STX8: variants seen among roughly 807,000 people sequenced by gnomAD.
STX8 encodes the protein syntaxin 8.
Under a neutral mutation model 37.5 loss-of-function variants are expected in STX8, and 23 were observed. The ratio of observed to expected loss-of-function variants is 0.61; its 90% CI spans 0.44 to 0.87. The LOEUF (loss-of-function observed/expected upper bound fraction) is 0.87. STX8 is among the 40% of genes least tolerant of loss of function. The probability of loss-of-function intolerance (pLI) is 0.00; values close to 1 mark genes in which losing one functional copy is unlikely to be tolerated. For missense variants in STX8, 313 were observed against 284.7 expected, an observed-to-expected ratio of 1.10 and a Z score of -0.71; for synonymous variants, 115 against 99.1, an observed-to-expected ratio of 1.16 and a Z score of -0.95.
intron 3 of STX8, among the ~76,000 whole-genome samples, chr17:9,550,203 A>G (rs1402550427): frequency 6.3e-4 from 87 of 138,970 alleles, no homozygotes; most frequent in Middle Eastern, 4.5e-3. Flanking sequence ...CAGCCTGGGC[A>G]ACAAAGTGAG....
At chr17:9,533,851 C>T (rs1260960342) in intron 4 of STX8, among the ~76,000 whole-genome samples, 1 of 152,124 alleles carries the variant, frequency 6.6e-6, no homozygotes, top group Admixed American at 6.5e-5. Context: ...GTTATCAGAA[C>T]CTCAATTTTG....
intron 7 of STX8, among the ~76,000 whole-genome samples, chr17:9,275,823 GT>G (rs1213065705): frequency 1.3e-5 from 2 of 151,612 alleles, no homozygotes; most frequent in African/African-American, 4.9e-5. Context: ...AGCCAAGATC[GT>G]GCCACTGCAC....
At chr17:9,422,597 G>T (rs1455885837) in intron 6 of STX8, among the ~76,000 whole-genome samples, 1 of 152,226 alleles carries the variant, frequency 6.6e-6, no homozygotes, top group Non-Finnish European at 1.5e-5. Context: ...TGTTTTCAAG[G>T]TTCATCCGTG....
At chr17:9,286,225 C>T (rs981811467) in intron 7 of STX8, among the ~76,000 whole-genome samples, 9 of 152,272 alleles carry the variant, frequency 5.9e-5, no homozygotes, top group East Asian at 1.9e-4. Flanking sequence ...GGTATGAAAA[C>T]GAAAGTTATT....
intron 7 of STX8, among the ~76,000 whole-genome samples, chr17:9,311,495 A>G (rs2142191678): frequency 6.6e-6 from 1 of 152,384 alleles, no homozygotes; most frequent in Non-Finnish European, 1.5e-5. Context: ...GATAATAATC[A>G]CATTTATAGT....
At chr17:9,547,042 G>A (rs1906556244) in intron 3 of STX8, among the ~76,000 whole-genome samples, 1 of 151,410 alleles carries the variant, frequency 6.6e-6, no homozygotes, top group Non-Finnish European at 1.5e-5. Flanking sequence ...AAGGTCAAGA[G>A]ATGGAAACCA....
chr17:9,416,381 T>G (rs1300928885), intron 6 of STX8, among the ~76,000 whole-genome samples: 4 of 152,112 alleles, frequency 2.6e-5, no homozygotes, highest in Non-Finnish European at 4.4e-5. Context: ...TTAATTTTTT[T>G]TTTTTTAAGA....
chr17:9,343,148 C>T (rs1338049593), intron 7 of STX8, among the ~76,000 whole-genome samples: 5 of 152,012 alleles, frequency 3.3e-5, no homozygotes, highest in African/African-American at 1.2e-4. Flanking sequence ...CCACAAAACC[C>T]AGAAATGCTT....
At chr17:9,401,025 T>A (rs1057494047) in intron 6 of STX8, among the ~76,000 whole-genome samples, 2 of 152,220 alleles carry the variant, frequency 1.3e-5, no homozygotes, top group African/African-American at 4.8e-5. Flanking sequence ...AGCCTACATT[T>A]CAAATCCAGA....
chr17:9,323,598 TGTACAAG>T (rs1489362327), intron 7 of STX8, among the ~76,000 whole-genome samples: 1 of 150,816 alleles, frequency 6.6e-6, no homozygotes, highest in Non-Finnish European at 1.5e-5. Flanking sequence ...AATGCCTCTC[TGTACAAG>T]GCACCGTGGT....
At chr17:9,572,169 T>C (rs931156779) in intron 1 of STX8, among the ~76,000 whole-genome samples, 2 of 152,180 alleles carry the variant, frequency 1.3e-5, no homozygotes, top group Non-Finnish European at 2.9e-5. Flanking sequence ...TGGTACATCA[T>C]CAACAAATTA....
chr17:9,432,623 T>C (rs1914021939), intron 6 of STX8, among the ~76,000 whole-genome samples: 1 of 152,238 alleles, frequency 6.6e-6, no homozygotes, highest in Non-Finnish European at 1.5e-5. Context: ...TTTCACCTTG[T>C]CTCTCATAAA....
chr17:9,380,774 T>C (rs1037156206), intron 6 of STX8, among the ~76,000 whole-genome samples: 1 of 139,530 alleles, frequency 7.2e-6, no homozygotes, highest in African/African-American at 2.6e-5. Flanking sequence ...AGTGCAGTGG[T>C]GTCATAGCAG....
At chr17:9,426,622 A>C (rs1484632664) in intron 6 of STX8, among the ~76,000 whole-genome samples, 1 of 151,812 alleles carries the variant, frequency 6.6e-6, no homozygotes. Context: ...TTAGCCAGGC[A>C]TGGTGGCACA....
At chr17:9,354,563 G>C (rs1185132382) in intron 7 of STX8, among the ~76,000 whole-genome samples, 1 of 151,508 alleles carries the variant, frequency 6.6e-6, no homozygotes, top group Non-Finnish European at 1.5e-5. Context: ...CTCATGATCC[G>C]CCTGCCTCGG....
chr17:9,253,002 G>T (rs1906645776), intron 7 of STX8, among the ~76,000 whole-genome samples: 1 of 152,358 alleles, frequency 6.6e-6, no homozygotes, highest in East Asian at 1.9e-4. Flanking sequence ...GCTAGCTCCT[G>T]CTCTCCATCA....
intron 6 of STX8, among the ~76,000 whole-genome samples, chr17:9,382,945 G>A (rs1170207225): frequency 6.6e-6 from 1 of 152,198 alleles, no homozygotes; most frequent in Non-Finnish European, 1.5e-5. Flanking sequence ...ACATTTGGAT[G>A]TGGGGCCTTT....
chr17:9,537,013 G>A (rs1195840902), intron 4 of STX8, among the ~76,000 whole-genome samples: 2 of 152,108 alleles, frequency 1.3e-5, no homozygotes, highest in Non-Finnish European at 2.9e-5. Context: ...CTCCCAAAGC[G>A]CTGGGATTAC....
intron 4 of STX8, among the ~76,000 whole-genome samples, chr17:9,527,933 G>A (rs368376716): frequency 6.6e-5 from 10 of 152,254 alleles, no homozygotes; most frequent in African/African-American, 2.2e-4. Flanking sequence ...TGCAGCACTC[G>A]TTGTAATGGC....
Sources: allele counts gnomAD v4.1 joint callset (sites outside exome capture counted in the v4.1 genomes callset), GRCh38; gene constraint gnomAD v4.1.1; transcripts MANE v1.5; gene names NCBI Gene and HGNC (gene_info 2026-07-23, HGNC 2026-07-21).